IQANK1: variants seen among roughly 807,000 people sequenced by gnomAD.
IQANK1 encodes IQ motif and ankyrin repeat containing 1, also known as IQ motif and ankyrin repeat domain-containing protein 1.
Under a neutral mutation model 22.6 loss-of-function variants are expected in IQANK1, and 30 were observed. The ratio of observed to expected loss-of-function variants is 1.33; its 90% CI spans 0.99 to 1.80. The LOEUF is 1.80. Ranked by LOEUF, IQANK1 falls within the 40% of genes most tolerant of loss-of-function variation. IQANK1 has a pLI of 0.00. For synonymous variants in IQANK1, 122 were observed against 99.6 expected (o/e 1.23, Z -1.34); for missense variants, 275 against 235.2 (o/e 1.17, Z -1.11).
chr8:143,772,864 G>A (rs1554629935), intron 7 of IQANK1, among the ~76,000 whole-genome samples: 1 of 152,222 alleles, frequency 6.6e-6, no homozygotes, highest in Non-Finnish European at 1.5e-5. Context: ...CGATTCCAGG[G>A]TTGGCAGAGC....
chr8:143,781,173 G>T (rs58140962), intron 7 of IQANK1, among the ~76,000 whole-genome samples: 1 of 151,874 alleles, frequency 6.6e-6, no homozygotes, highest in Admixed American at 6.6e-5. Flanking sequence ...TTTTAATGGG[G>T]TTTTCTCTTG....
intron 7 of IQANK1, among the ~76,000 whole-genome samples, chr8:143,786,710 G>A (rs1254397582): frequency 3.3e-5 from 5 of 152,198 alleles, no homozygotes; most frequent in Non-Finnish European, 5.9e-5. Context: ...GAGATGCCAG[G>A]CTACCAGGGC....
chr8:143,765,155 A>G (rs1554629133), intron 3 of IQANK1, among the ~76,000 whole-genome samples: 1 of 152,184 alleles, frequency 6.6e-6, no homozygotes, highest in East Asian at 1.9e-4. Flanking sequence ...CAGGAGTTCA[A>G]GACCAGCCTG....
At chr8:143,752,056 C>T (rs1397862018) in intron 3 of IQANK1, among the ~76,000 whole-genome samples, 1 of 152,104 alleles carries the variant, frequency 6.6e-6, no homozygotes, top group Non-Finnish European at 1.5e-5. Context: ...ACCTCTGCCT[C>T]CCAGGTTCAA....
intron 3 of IQANK1, among the ~76,000 whole-genome samples, chr8:143,753,454 GTTTC>G (rs1819234215): frequency 6.9e-6 from 1 of 144,016 alleles, no homozygotes; most frequent in Non-Finnish European, 1.5e-5. Flanking sequence ...TTTAGGGAAA[GTTTC>G]TTTTTTTTTT....
intron 7 of IQANK1, among the ~76,000 whole-genome samples, chr8:143,773,523 A>G (rs1003429116): frequency 2.0e-5 from 3 of 151,948 alleles, no homozygotes; most frequent in East Asian, 1.9e-4. Flanking sequence ...CATCTCAGTC[A>G]TTATGTTCCC....
intron 2 of IQANK1, among the ~76,000 whole-genome samples, chr8:143,738,585 C>T (rs1473182172): frequency 1.3e-5 from 2 of 152,228 alleles, no homozygotes; most frequent in Non-Finnish European, 2.9e-5. Flanking sequence ...GCCCTGCCGG[C>T]GAGACTGGGA....
At chr8:143,742,186 G>GCT in intron 3 of IQANK1, 1 of 359,630 alleles carries the variant, frequency 2.8e-6, no homozygotes, top group South Asian at 2.0e-5. Context: ...ACTGTCCCGG[G>GCT]CTCGTTCACT....
chr8:143,768,277 G>A (rs2129898365), intron 3 of IQANK1, among the ~76,000 whole-genome samples: 1 of 152,200 alleles, frequency 6.6e-6, no homozygotes, highest in South Asian at 2.1e-4. Flanking sequence ...GTGCGGGAAC[G>A]TCTCACCGCT....
intron 7 of IQANK1, among the ~76,000 whole-genome samples, chr8:143,776,314 C>T (rs1426373882): frequency 5.3e-5 from 6 of 114,046 alleles, no homozygotes; most frequent in Non-Finnish European, 8.2e-5. Flanking sequence ...GGCGACAGAG[C>T]GAGACTCCGT....
intron 7 of IQANK1, among the ~76,000 whole-genome samples, chr8:143,776,574 G>A (rs1475216754): frequency 6.6e-6 from 1 of 152,092 alleles, no homozygotes; most frequent in African/African-American, 2.4e-5. Flanking sequence ...TAGGAAGGGG[G>A]AACGTAGACA....
Position 143,771,708 on chromosome 8 carries a change from A to C in IQANK1, c.306+90A>C, listed in dbSNP as rs1819577159. The C allele has an allele frequency of 2.5e-6, 1 of 397,110 alleles. No individual in the cohort carries two copies. The highest frequency in any genetic ancestry group is 4.4e-6 in the Non-Finnish European group (1 of 225,462). The allele number at this position is 397,110 out of a possible 1,614,324, so 24.6% of individuals were successfully genotyped here. On this transcript the variant is annotated intron_variant, in intron 4 of 13. Transcript: ENST00000527139. This position sits in a 1 kb window ranked among gnomAD's most constrained non-coding sequence, Gnocchi z 6.0. ...AGGGTGCGTGGTGGGGGTGAGGCTC[A>C]GATCGGGCTCCGACCTCAGAGGCGT...
intron 3 of IQANK1, among the ~76,000 whole-genome samples, chr8:143,768,457 CAA>C (rs1265677062): frequency 2.0e-5 from 3 of 152,084 alleles, no homozygotes; most frequent in East Asian, 1.9e-4. Flanking sequence ...TATATTGAGA[CAA>C]GAGAAATTCT....
chr8:143,785,442 G>T (rs1427612718), intron 7 of IQANK1, among the ~76,000 whole-genome samples: 1 of 151,982 alleles, frequency 6.6e-6, no homozygotes, highest in Non-Finnish European at 1.5e-5. Context: ...TTTCAGTAGA[G>T]ATGGGGTTTT....
intron 3 of IQANK1, chr8:143,745,056 G>C (rs928487776): frequency 6.6e-6 from 1 of 152,326 alleles, no homozygotes; most frequent in Admixed American, 6.5e-5. Context: ...AATGGCCACA[G>C]ACTCCTTTGG....
At chr8:143,747,233 C>T (rs1554627320) in intron 3 of IQANK1, among the ~76,000 whole-genome samples, 1 of 152,092 alleles carries the variant, frequency 6.6e-6, no homozygotes, top group African/African-American at 2.4e-5. Flanking sequence ...TATTTCTGGT[C>T]TTGTAAATTT....
At chr8:143,748,148 C>G (rs561412176) in intron 3 of IQANK1, among the ~76,000 whole-genome samples, 3 of 151,886 alleles carry the variant, frequency 2.0e-5, no homozygotes, top group South Asian at 4.2e-4. Flanking sequence ...GCATACACCA[C>G]TGCGCCTGGC....
chr8:143,773,325 A>AAC, intron 7 of IQANK1, among the ~76,000 whole-genome samples: 1 of 137,722 alleles, frequency 7.3e-6, no homozygotes, highest in African/African-American at 3.0e-5. Context: ...AACAAAAAAA[A>AAC]CACAAAAAAA....
chr8:143,787,538 CTG>C (rs1554631507), intron 7 of IQANK1, among the ~76,000 whole-genome samples: 2 of 152,230 alleles, frequency 1.3e-5, no homozygotes, highest in Non-Finnish European at 2.9e-5. Flanking sequence ...TCCCTCTCGT[CTG>C]CTGTGTCTCC....
Sources: gnomAD v4.1 joint callset for allele counts (sites outside exome capture counted in the v4.1 genomes callset) on GRCh38, gnomAD v4.1.1 for gene constraint, Gnocchi (gnomAD v3.1) non-coding constraint, MANE v1.5 for transcripts, NCBI Gene and HGNC (gene_info 2026-07-23, HGNC 2026-07-21) for gene names.